The following LRRC8D variants were observed in gnomAD, a reference collection of about 807,000 sequenced individuals.
LRRC8D encodes the protein volume-regulated anion channel subunit LRRC8D.
In LRRC8D, 20 loss-of-function variants were observed where a neutral mutation model predicts 55.8. That is an observed-to-expected ratio of 0.36 (90% CI 0.25 to 0.52). The LOEUF (loss-of-function observed/expected upper bound fraction) is 0.52. LRRC8D is among the 20% of genes least tolerant of loss of function. The pLI is 0.93. For missense variants in LRRC8D, 651 were observed against 1,030.8 expected (o/e 0.63, Z 5.05); for synonymous variants, 352 against 377.0 (o/e 0.93, Z 0.77).
chr1:89,922,529 T>C (rs868234309), intron 2 of LRRC8D, among the ~76,000 whole-genome samples: 4 of 152,370 alleles, frequency 2.6e-5, no homozygotes, highest in African/African-American at 9.6e-5. Context: ...AGACAGACTT[T>C]TCTCCTCAAT....
chr1:89,846,381 A>G (rs1661282194), intron 2 of LRRC8D, among the ~76,000 whole-genome samples: 1 of 151,432 alleles, frequency 6.6e-6, no homozygotes, highest in Non-Finnish European at 1.5e-5. Context: ...GATGTAGTGA[A>G]GTAGGATTCA....
At chr1:89,921,728 A>G (rs1454219087) in intron 2 of LRRC8D, among the ~76,000 whole-genome samples, 2 of 152,064 alleles carry the variant, frequency 1.3e-5, no homozygotes, top group African/African-American at 2.4e-5. Context: ...AATTTTTAGT[A>G]GAGTCATGGT....
chr1:89,840,571 C>G (rs6701308), intron 1 of LRRC8D, among the ~76,000 whole-genome samples: 29 of 152,186 alleles, frequency 1.9e-4, no homozygotes, highest in Admixed American at 7.8e-4. Flanking sequence ...GCAGCATAGG[C>G]GAATACCATT....
At chr1:89,926,423 G>GC (rs1663566990) in intron 2 of LRRC8D, among the ~76,000 whole-genome samples, 1 of 152,220 alleles carries the variant, frequency 6.6e-6, no homozygotes, top group South Asian at 2.1e-4. Flanking sequence ...CCTCCATGGT[G>GC]CTTGGCACGG....
intron 2 of LRRC8D, among the ~76,000 whole-genome samples, chr1:89,850,095 G>T (rs1661374502): frequency 6.6e-6 from 1 of 151,930 alleles, no homozygotes; most frequent in African/African-American, 2.4e-5. Flanking sequence ...TAAAAATCTG[G>T]TCATATTGTG....
intron 2 of LRRC8D, among the ~76,000 whole-genome samples, chr1:89,898,248 T>C (rs1188663959): frequency 6.6e-6 from 1 of 152,132 alleles, no homozygotes; most frequent in Non-Finnish European, 1.5e-5. Context: ...TAAAAGCAAT[T>C]CATGGGAGGA....
At position 89,821,079 on chromosome 1, in the gene LRRC8D, CT is replaced by C. The variant is rs1660615206; in HGVS notation, c.-359del. On this transcript the variant is annotated 5_prime_UTR_variant, in exon 1 of 3. An upstream open reading frame in the 5' UTR gains an earlier in-frame stop. Transcript: ENST00000337338. ...TGTGCTGCTGCTCCCGTCGCCGCTG[CT>C]GCCGCTGCCGCTGCCGCCGCCCGTG... The C allele has an allele frequency of 8.6e-3, 1 of 116 alleles. No individual in the cohort carries two copies. The highest frequency in any genetic ancestry group is 0.12 in the Admixed American group (1 of 8). 0.0% of individuals were successfully genotyped at this position (116 alleles called of 1,614,324 possible).
At chr1:89,843,403 C>T (rs114871823) in intron 1 of LRRC8D, 4,511 of 329,776 alleles carry the variant, frequency 0.014, 188 homozygotes, top group African/African-American at 0.086. Flanking sequence ...GGGCGGGTGG[C>T]TGGCAGCGAG....
intron 2 of LRRC8D, among the ~76,000 whole-genome samples, chr1:89,886,428 A>G (rs1662421427): frequency 6.6e-6 from 1 of 152,236 alleles, no homozygotes; most frequent in South Asian, 2.1e-4. Context: ...TAGCTTACTC[A>G]GTAAAATTTT....
At chr1:89,846,668 C>T (rs1391403876) in intron 2 of LRRC8D, 3 of 152,000 alleles carry the variant, frequency 2.0e-5, no homozygotes, top group Non-Finnish European at 4.4e-5. Flanking sequence ...GGTTTGTTTT[C>T]ATTTTTAAAG....
At chr1:89,882,683 A>G (rs1411496027) in intron 2 of LRRC8D, among the ~76,000 whole-genome samples, 1 of 152,248 alleles carries the variant, frequency 6.6e-6, no homozygotes, top group Non-Finnish European at 1.5e-5. Context: ...TTCTGGCGCC[A>G]AAGTGCTAAT....
At chr1:89,842,663 G>T (rs1438252655) in intron 1 of LRRC8D, among the ~76,000 whole-genome samples, 1 of 152,162 alleles carries the variant, frequency 6.6e-6, no homozygotes, top group Non-Finnish European at 1.5e-5. Context: ...GTAAGGGCAG[G>T]CAGGTTACAA....
At chr1:89,878,474 G>T (rs182818152) in intron 2 of LRRC8D, among the ~76,000 whole-genome samples, 36 of 152,324 alleles carry the variant, frequency 2.4e-4, no homozygotes, top group Admixed American at 2.1e-3. Flanking sequence ...ATATTGTTCT[G>T]TTGGTTGTCT....
At chr1:89,882,497 A>G (rs960444491) in intron 2 of LRRC8D, among the ~76,000 whole-genome samples, 6 of 152,206 alleles carry the variant, frequency 3.9e-5, no homozygotes, top group African/African-American at 1.2e-4. Flanking sequence ...CAGATGGTAA[A>G]TGCTGTGGGA....
chr1:89,919,300 TAC>T (rs1663353388), intron 2 of LRRC8D, among the ~76,000 whole-genome samples: 1 of 152,136 alleles, frequency 6.6e-6, no homozygotes, highest in Admixed American at 6.5e-5. Flanking sequence ...CAGCAATCTG[TAC>T]CAAACCAGGA....
At chr1:89,883,389 ATTT>A (rs1662333062) in intron 2 of LRRC8D, among the ~76,000 whole-genome samples, 1 of 152,172 alleles carries the variant, frequency 6.6e-6, no homozygotes, top group African/African-American at 2.4e-5. Context: ...ATAGGATTTT[ATTT>A]TTGAGAATGG....
At position 89,889,381 on chromosome 1, in the gene LRRC8D, G is replaced by A. The variant is rs771260027; in HGVS notation, c.-2-43686G>A. On this transcript the variant is annotated intron_variant, in intron 2 of 2. Transcript: ENST00000337338. ...AAATGTAATATGGTATCCTGGATGGGATCCTGGAACAGAAAAAGAACATTA... is the reference window on the plus strand; with the variant it reads ...AAATGTAATATGGTATCCTGGATGGAATCCTGGAACAGAAAAAGAACATTA... Among the ~76,000 whole-genome samples, 9 of 152,030 alleles carry A rather than the reference G, an allele frequency of 5.9e-5. 1 individual carries two copies. The highest frequency in any genetic ancestry group is 2.0e-4 in the Admixed American group (3 of 15,268).
At chr1:89,839,777 A>C (rs1440008527) in intron 1 of LRRC8D, among the ~76,000 whole-genome samples, 1 of 152,028 alleles carries the variant, frequency 6.6e-6, no homozygotes, top group Non-Finnish European at 1.5e-5. Context: ...GCAGAGGGTC[A>C]TCTCTTTGGC....
In LRRC8D at chr1:89,842,214, GAA is replaced by G. The variant is rs55785953; in HGVS notation, c.-147-1407_-147-1406del. ...GGCGACAGAGCGAGACTCTGTCTCA[GAA>G]AAAAAAAAAAAAAAAAGAATTTGTG... is the stretch of plus-strand genomic sequence containing the variant. On this transcript the variant is annotated intron_variant, in intron 1 of 2. Transcript: ENST00000337338. 2.3e-3 allele frequency among the ~76,000 whole-genome samples: 295 copies of G among 130,476 alleles called. 1 individual carries two copies. Among genetic ancestry groups the G allele is most frequent in the African/African-American group, 5.7e-3 (194 of 33,874 alleles). The allele number at this position is 130,476 out of a possible 152,430, so 85.6% of individuals were successfully genotyped here.
Sources: allele counts gnomAD v4.1 joint callset (sites outside exome capture counted in the v4.1 genomes callset), GRCh38; gene constraint gnomAD v4.1.1; transcripts MANE v1.5; gene names NCBI Gene and HGNC (gene_info 2026-07-23, HGNC 2026-07-21).